The following BLTP2 variants were observed in gnomAD, a reference collection of about 807,000 sequenced individuals.
The protein encoded by BLTP2 is U937-associated antigen.
At chr17:28,639,586 C>T in the BLTP2 span, 3 of 1,614,088 alleles carry the variant, frequency 1.9e-6, no homozygotes, top group South Asian at 3.3e-5. Context: ...TGCACACTAG[C>T]CTTGAGGGAG....
the BLTP2 span, chr17:28,631,657 A>G: frequency 2.2e-5 from 36 of 1,614,072 alleles, no homozygotes; most frequent in Non-Finnish European, 2.9e-5. Context: ...CCAATCAGAG[A>G]TAAGGCGCCG....
chr17:28,618,866 T>G, the BLTP2 span: 1 of 1,614,148 alleles, frequency 6.2e-7, no homozygotes, highest in Non-Finnish European at 8.5e-7. Context: ...GGCGCCACCG[T>G]GCCTGAGCAA....
the BLTP2 span, chr17:28,634,588 A>G: frequency 1.2e-6 from 2 of 1,614,190 alleles, no homozygotes; most frequent in African/African-American, 1.3e-5. Context: ...CTCAGGGGGA[A>G]AAGGGCTGCC....
the BLTP2 span, among the ~76,000 whole-genome samples, chr17:28,637,459 C>T: frequency 6.6e-6 from 1 of 152,168 alleles, no homozygotes; most frequent in East Asian, 1.9e-4. Context: ...TTGACTAGAT[C>T]AAGGCTTTTT....
chr17:28,644,542 CTG>C, the BLTP2 span, among the ~76,000 whole-genome samples: 2 of 152,220 alleles, frequency 1.3e-5, no homozygotes, highest in Non-Finnish European at 2.9e-5. Context: ...GAGGGTCTGT[CTG>C]TCTCCTGCTC....
chr17:28,617,131 C>G, the BLTP2 span: 1 of 1,205,404 alleles, frequency 8.3e-7, no homozygotes, highest in Non-Finnish European at 1.2e-6. Context: ...CCTCTCAGAT[C>G]ACCACATTGT....
At chr17:28,643,949 G>A in the BLTP2 span, 2 of 1,350,162 alleles carry the variant, frequency 1.5e-6, no homozygotes, top group African/African-American at 1.5e-5. Context: ...GCAAGGCTGG[G>A]ATTAACTAGA....
At chr17:28,638,929 T>C in the BLTP2 span, 1 of 430,458 alleles carries the variant, frequency 2.3e-6, no homozygotes, top group Non-Finnish European at 4.1e-6. Context: ...GAACCTAAAA[T>C]AACCAAGAAG....
At chr17:28,637,723 G>A in the BLTP2 span, 30 of 961,096 alleles carry the variant, frequency 3.1e-5, no homozygotes, top group Middle Eastern at 4.4e-4. Flanking sequence ...CCAGGCTCGA[G>A]TGCAGTGGCA....
At chr17:28,616,543 T>C in the BLTP2 span, 1 of 1,614,116 alleles carries the variant, frequency 6.2e-7, no homozygotes, top group South Asian at 1.1e-5. This position sits in a 1 kb window ranked among gnomAD's most constrained non-coding sequence, Gnocchi z 4.8. Flanking sequence ...CTGTCATCCA[T>C]CCTCGTTCTG....
At chr17:28,633,123 G>A in the BLTP2 span, 1 of 1,586,930 alleles carries the variant, frequency 6.3e-7, no homozygotes. Flanking sequence ...CCAGTGTCAT[G>A]CAGAGGTCAG....
chr17:28,633,925 G>A, the BLTP2 span: 1 of 1,614,116 alleles, frequency 6.2e-7, no homozygotes, highest in South Asian at 1.1e-5. Context: ...TTGAGTGGGG[G>A]CATGTTCCTC....
chr17:28,637,733 A>G, the BLTP2 span: 17 of 1,102,650 alleles, frequency 1.5e-5, no homozygotes, highest in African/African-American at 1.9e-4. Flanking sequence ...GTGCAGTGGC[A>G]CCATCTCAGC....
the BLTP2 span, chr17:28,637,817 G>C: frequency 1.9e-6 from 3 of 1,609,230 alleles, no homozygotes; most frequent in African/African-American, 2.7e-5. Context: ...CTTCAGTATA[G>C]ACTCCTTGTC....
At chr17:28,637,247 T>C in the BLTP2 span, 1 of 1,122,634 alleles carries the variant, frequency 8.9e-7, no homozygotes, top group Admixed American at 1.9e-5. Context: ...CCTTTCTCAC[T>C]TATTCCCTTA....
the BLTP2 span, chr17:28,638,153 C>T: frequency 6.3e-7 from 1 of 1,599,382 alleles, no homozygotes; most frequent in South Asian, 1.1e-5. Flanking sequence ...TTTATAATGC[C>T]CTAATGCACT....
At chr17:28,631,741 A>C in the BLTP2 span, 1 of 1,602,568 alleles carries the variant, frequency 6.2e-7, no homozygotes, top group Non-Finnish European at 8.5e-7. Flanking sequence ...TGTAAGACAG[A>C]GATGGAGGAG....
At chr17:28,631,613 C>A in the BLTP2 span, 1 of 1,614,136 alleles carries the variant, frequency 6.2e-7, no homozygotes, top group Non-Finnish European at 8.5e-7. Context: ...TGAACGGTCA[C>A]CTGACTTAGG....
chr17:28,636,132 G>A, the BLTP2 span, among the ~76,000 whole-genome samples: 1 of 152,168 alleles, frequency 6.6e-6, no homozygotes, highest in Non-Finnish European at 1.5e-5. Context: ...ATGCCTCAAG[G>A]AGAGAGTAGT....
Sources: gnomAD v4.1 joint callset for allele counts (sites outside exome capture counted in the v4.1 genomes callset) on GRCh38, gnomAD v4.1.1 for gene constraint, Gnocchi (gnomAD v3.1) non-coding constraint, MANE v1.5 for transcripts, NCBI Gene and HGNC (gene_info 2026-07-23, HGNC 2026-07-21) for gene names.